Variants in GREB1 observed in about 807,000 individuals in gnomAD.
The protein encoded by GREB1 is protein GREB1.
Under a neutral mutation model 200.7 loss-of-function variants are expected in GREB1, and 106 were observed. The ratio of observed to expected loss-of-function variants is 0.53; its 90% CI spans 0.45 to 0.62. GREB1 has a LOEUF of 0.62. Ranked by LOEUF, GREB1 falls within the 20% of genes least tolerant of loss-of-function variation. The pLI, the probability that GREB1 is intolerant of heterozygous loss-of-function variation, is 0.00. For synonymous variants in GREB1, 1,132 were observed against 1,092.4 expected, an observed-to-expected ratio of 1.04 and a Z score of -0.72; for missense variants, 2,243 against 2,556.8, an observed-to-expected ratio of 0.88 and a Z score of 2.65.
chr2:11,612,682 AG>A (rs1393017919), intron 19 of GREB1, 72 bp downstream of exon 19: 27 of 949,788 alleles, frequency 2.8e-5, no homozygotes, highest in African/African-American at 2.4e-4. Flanking sequence ...GGAGCATGTC[AG>A]GGGGGCTGCT....
At chr2:11,502,005 C>A (rs1673061884) in intron 1 of GREB1, among the ~76,000 whole-genome samples, 1 of 140,314 alleles carries the variant, frequency 7.1e-6, no homozygotes, top group Non-Finnish European at 1.5e-5. Context: ...CAACCTCCAC[C>A]TCCCGGGTTC....
chr2:11,576,555 AG>A lies in GREB1; in HGVS notation c.637+22del. On this transcript the variant is annotated intron_variant, in intron 5 of 32. Transcript: ENST00000381486. ...GCTCAGGTGAGCAGGTTGGCTGTGGAGGAGGTATGGGAGTGCTGGGCCCCCA... is the reference window on the plus strand; with the variant it reads ...GCTCAGGTGAGCAGGTTGGCTGTGGAGAGGTATGGGAGTGCTGGGCCCCCA... 1 of 1,605,468 alleles carries A rather than the reference AG, an allele frequency of 6.2e-7. No individual in the cohort carries two copies. The highest frequency in any genetic ancestry group is 1.1e-5 in the South Asian group (1 of 89,454).
At chr2:11,630,803 T>A (rs55986746) in intron 26 of GREB1, among the ~76,000 whole-genome samples, 8,764 of 152,308 alleles carry the variant, frequency 0.058, 270 homozygotes, top group African/African-American at 0.077. Context: ...ACAGAGATGC[T>A]CCTTGTAGAG....
In GREB1 at chr2:11,610,778, G is replaced by T; in HGVS notation, c.2757G>T (p.Gln919His). The T allele has an allele frequency of 6.2e-7, 1 of 1,613,604 alleles. No individual in the cohort carries two copies. The highest frequency in any genetic ancestry group is 1.7e-5 in the Admixed American group (1 of 60,036). The change falls in exon 18 of 33, where the codon CAG becomes CAT. Residue 919 changes from glutamine to histidine, a missense_variant. Transcript: ENST00000381486. ...AALMAVSGLP[Q>H]MKNYTSVETL... Reference sequence around the variant, plus strand: ...TGATGGCCGTAAGCGGCCTCCCGCAGATGAAGAACTACACGTCGGTGGAGA... The same window carrying T: ...TGATGGCCGTAAGCGGCCTCCCGCATATGAAGAACTACACGTCGGTGGAGA...
At position 11,612,528 on chromosome 2, in the gene GREB1, C is replaced by A. The variant is rs767371172; in HGVS notation, c.3040C>A (p.Pro1014Thr). The A allele has an allele frequency of 6.2e-7, 1 of 1,612,556 alleles. No homozygotes were observed. Among genetic ancestry groups the A allele is most frequent in the Non-Finnish European group, 8.5e-7 (1 of 1,179,214 alleles). Residue 1014 changes from proline (P) to threonine (T), a missense_variant, in exon 19 of 33, where the codon CCC becomes ACC. Physicochemically the swap from Pro to Thr is conservative, Grantham distance 38. This residue lies in a region of GREB1 where 1,178 missense variants were observed against 1,387.4 expected (regional missense o/e 0.85). Coordinates refer to ENST00000381486, the MANE Select transcript of GREB1 (RefSeq NM_014668.4). ...WQKIEDVEWRPQTYLELEGLP... is the reference protein window; with the variant it reads ...WQKIEDVEWRTQTYLELEGLP... ...GAAAATTGAGGATGTGGAGTGGAGA[C>A]CCCAGACTTACTTGGAGCTGGAGGG...
intron 1 of GREB1, among the ~76,000 whole-genome samples, chr2:11,501,920 T>TTTTTTTTTTTTTTTTTTTTG (rs1558486277): frequency 8.5e-6 from 1 of 118,026 alleles, no homozygotes; most frequent in Non-Finnish European, 1.8e-5. Flanking sequence ...TTTTTTTTTT[T>TTTTTTTTTTTTTTTTTTTTG]TTTTTTTTTT....
chr2:11,572,870 G>A (rs766137682), intron 4 of GREB1, among the ~76,000 whole-genome samples: 43 of 152,076 alleles, frequency 2.8e-4, no homozygotes, highest in Non-Finnish European at 5.3e-4. Context: ...TACCATGGAT[G>A]GGTTTCTGTT....
At chr2:11,516,676 C>A (rs1332872121) in intron 1 of GREB1, among the ~76,000 whole-genome samples, 1 of 144,830 alleles carries the variant, frequency 6.9e-6, no homozygotes, top group East Asian at 1.9e-4. Context: ...GGCCAAACGG[C>A]CTTACCCAAG....
At chr2:11,599,332 C>CTT (rs796915838) in intron 15 of GREB1, among the ~76,000 whole-genome samples, 4 of 135,216 alleles carry the variant, frequency 3.0e-5, no homozygotes, top group Non-Finnish European at 3.3e-5. Flanking sequence ...GCCTGCCCTT[C>CTT]TTTTTTTTTT....
intron 1 of GREB1, among the ~76,000 whole-genome samples, chr2:11,514,885 G>C: frequency 6.6e-6 from 1 of 152,252 alleles, no homozygotes; most frequent in East Asian, 1.9e-4. Context: ...GCTTGGCACA[G>C]AGTGGGCACT....
rs763880108 is a variant in GREB1 at position 11,588,983 on chromosome 2, G to A, written c.1345+52G>A. On this transcript the variant is annotated intron_variant, in intron 10 of 32. Coordinates refer to ENST00000381486, the MANE Select transcript of GREB1 (RefSeq NM_014668.4). ...GTGGCAGGGAGTGGCCACAGCCCGA[G>A]CACAGACCTGGCCTCGGCCCTCGTG... 1.7e-5 allele frequency: 25 copies of A among 1,473,316 alleles called. 1 individual carries two copies. The South Asian group carries it at 2.7e-4, about 16-fold the overall frequency. The allele number at this position is 1,473,316 out of a possible 1,614,324, so 91.3% of individuals were successfully genotyped here. A position where few individuals can be genotyped will look rare whatever the true frequency, so the allele number is the denominator to read the frequency against.
intron 1 of GREB1, among the ~76,000 whole-genome samples, chr2:11,517,808 T>A (rs566423988): frequency 6.6e-6 from 1 of 152,112 alleles, no homozygotes; most frequent in Non-Finnish European, 1.5e-5. Context: ...CCCGCCGCCA[T>A]GCCCGGCTAA....
At chr2:11,525,667 G>A (rs1673848887) in intron 1 of GREB1, among the ~76,000 whole-genome samples, 1 of 152,098 alleles carries the variant, frequency 6.6e-6, no homozygotes, top group African/African-American at 2.4e-5. Flanking sequence ...AGCACTAACT[G>A]CAGGGTGTAA....
At position 11,618,805 on chromosome 2, in the gene GREB1, C is replaced by A; in HGVS notation, c.3930C>A (p.Leu1310=). 6.2e-7 allele frequency: 1 copy of A among 1,609,222 alleles called. No individual in the cohort carries two copies. The highest frequency in any genetic ancestry group is 8.5e-7 in the Non-Finnish European group (1 of 1,179,792). The change falls in exon 22 of 33, where the codon CTC becomes CTA. Residue 1310 remains leucine, a synonymous_variant. Transcript: ENST00000381486. ...SKTMTSTEQS[L]YYRQWTVPRP... Reference sequence around the variant, plus strand: ...CCATGACATCCACCGAGCAGTCCCTCTACTACCGGCAGTGGACGGTGCCCC... The same window carrying A: ...CCATGACATCCACCGAGCAGTCCCTATACTACCGGCAGTGGACGGTGCCCC...
intron 1 of GREB1, among the ~76,000 whole-genome samples, chr2:11,545,916 G>A (rs1675228905): frequency 6.6e-6 from 1 of 152,184 alleles, no homozygotes; most frequent in Non-Finnish European, 1.5e-5. Flanking sequence ...GGTGGCTCAC[G>A]CCCGTAATCC....
At chr2:11,552,975 A>G (rs912389946) in intron 1 of GREB1, among the ~76,000 whole-genome samples, 5 of 141,310 alleles carry the variant, frequency 3.5e-5, no homozygotes, top group African/African-American at 1.1e-4. Context: ...GCGCCACTGC[A>G]CTCCAGCCTG....
intron 1 of GREB1, chr2:11,540,653 G>A (rs1034647168): frequency 6.5e-6 from 1 of 154,456 alleles, no homozygotes; most frequent in African/African-American, 2.4e-5. Context: ...GACACCAGTC[G>A]CCTCTCAGCC....
upstream of GREB1, among the ~76,000 whole-genome samples, chr2:11,533,390 A>C (rs1674147850): frequency 6.6e-6 from 1 of 152,174 alleles, no homozygotes; most frequent in Non-Finnish European, 1.5e-5. Context: ...GTCAGCTTTG[A>C]AGTCAGCACT....
intron 4 of GREB1, among the ~76,000 whole-genome samples, chr2:11,568,233 C>T (rs1000960540): frequency 2.0e-5 from 3 of 152,164 alleles, no homozygotes; most frequent in African/African-American, 2.4e-5. Flanking sequence ...ACTCACTCCA[C>T]GGGTAGTTAC....
Sources: gnomAD v4.1 joint callset for allele counts (sites outside exome capture counted in the v4.1 genomes callset) on GRCh38, gnomAD v4.1.1 for gene constraint, gnomAD v4.1.1 regional missense constraint, MANE v1.5 for transcripts, NCBI Gene and HGNC (gene_info 2026-07-23, HGNC 2026-07-21) for gene names.